SINHCAF: variants seen among roughly 807,000 people sequenced by gnomAD.
The protein encoded by SINHCAF is SIN3-HDAC complex associated factor.
In SINHCAF, 3 loss-of-function variants were observed where a neutral mutation model predicts 25.8. That is an observed-to-expected ratio of 0.12 (90% CI 0.05 to 0.30). SINHCAF has a LOEUF of 0.30. Ranked by LOEUF, SINHCAF falls within the 10% of genes least tolerant of loss-of-function variation. The probability of loss-of-function intolerance (pLI) is 1.00; values close to 1 mark genes in which losing one functional copy is unlikely to be tolerated. For missense variants in SINHCAF, 121 were observed against 262.3 expected, an observed-to-expected ratio of 0.46 and a Z score of 3.72; for synonymous variants, 70 against 85.5, an observed-to-expected ratio of 0.82 and a Z score of 1.00.
intron 1 of SINHCAF, chr12:31,303,553 G>C (rs555542549): frequency 6.6e-6 from 1 of 152,094 alleles, no homozygotes; most frequent in Non-Finnish European, 1.5e-5. Context: ...GCCTCAAGCA[G>C]TCTTCCCACC....
chr12:31,301,653 A>G (rs1016387767), intron 1 of SINHCAF, among the ~76,000 whole-genome samples: 5 of 152,196 alleles, frequency 3.3e-5, no homozygotes, highest in African/African-American at 1.2e-4. Context: ...CAACCAAGTT[A>G]AGCAGTGGTT....
In SINHCAF at chr12:31,325,232, C is replaced by G. The variant is rs1309589442; in HGVS notation, c.-21+792G>C. On this transcript the variant is annotated intron_variant, in intron 1 of 5. Transcript: ENST00000337682. This position sits in a 1 kb window ranked among gnomAD's most constrained non-coding sequence, Gnocchi z 5.9. Reference sequence around the variant, plus strand: ...ACGCTACAGGTGAACGCACCGGGAGCAAAACTTCGGGCTCCGAAAGCACCC... The same window carrying G: ...ACGCTACAGGTGAACGCACCGGGAGGAAAACTTCGGGCTCCGAAAGCACCC... 6.6e-6 allele frequency: 3 copies of G among 456,668 alleles called. No individual in the cohort carries two copies. Among genetic ancestry groups the G allele is most frequent in the African/African-American group, 4.0e-5 (2 of 50,090 alleles). 28.3% of individuals were successfully genotyped at this position (456,668 alleles called of 1,614,324 possible).
intron 1 of SINHCAF, among the ~76,000 whole-genome samples, chr12:31,299,343 G>A (rs1323416255): frequency 6.6e-6 from 1 of 151,196 alleles, no homozygotes; most frequent in African/African-American, 2.4e-5. Flanking sequence ...TGGAGACAGA[G>A]TCTCACTCTT....
rs528796751 is a variant in SINHCAF, at chr12:31,292,019, A to G, written c.355+1786T>C. On this transcript the variant is annotated intron_variant, in intron 4 of 5. Coordinates refer to ENST00000337682, the MANE Select transcript of SINHCAF (RefSeq NM_001135812.2). ...TCAAAGGAATTTATTTTCAGTCTCT[A>G]ACTACTACACAGCACAGTTTCATAA... Among the ~76,000 whole-genome samples the G allele has an allele frequency of 5.3e-5, 8 of 152,330 alleles. No individual in the cohort carries two copies. In the South Asian group the frequency reaches 1.0e-3, roughly 20 times the overall value.
intron 1 of SINHCAF, among the ~76,000 whole-genome samples, chr12:31,306,645 A>G (rs1939037255): frequency 6.6e-6 from 1 of 152,208 alleles, no homozygotes; most frequent in Non-Finnish European, 1.5e-5. Flanking sequence ...TAGCTACTGC[A>G]TCAGCAAAGT....
chr12:31,284,139 T>C (rs987106139), intron 5 of SINHCAF, among the ~76,000 whole-genome samples: 2 of 152,214 alleles, frequency 1.3e-5, no homozygotes, highest in African/African-American at 4.8e-5. Context: ...TTTATCTACA[T>C]GGTTATAACT....
At chr12:31,300,519 T>C (rs1938744390) in intron 1 of SINHCAF, among the ~76,000 whole-genome samples, 2 of 152,174 alleles carry the variant, frequency 1.3e-5, no homozygotes, top group Non-Finnish European at 2.9e-5. Context: ...AATGAGGAAG[T>C]ACCCTCTACA....
chr12:31,298,205 C>T lies in SINHCAF; in HGVS notation c.-1G>A, dbSNP rs770382859. On this transcript the variant is annotated 5_prime_UTR_variant, in exon 2 of 6. Coordinates refer to ENST00000337682, the MANE Select transcript of SINHCAF (RefSeq NM_001135812.2). ...TCTTTGGCTTGTGAAAACCAAACATCTTTTCTTCTGGGCAATAGTCTGTAA... is the reference window on the plus strand; with the variant it reads ...TCTTTGGCTTGTGAAAACCAAACATTTTTTCTTCTGGGCAATAGTCTGTAA... 6.2e-7 allele frequency: 1 copy of T among 1,614,068 alleles called. No individual in the cohort carries two copies. The highest frequency in any genetic ancestry group is 1.1e-5 in the South Asian group (1 of 91,078).
intron 1 of SINHCAF, among the ~76,000 whole-genome samples, chr12:31,306,694 C>G (rs112106045): frequency 1.3e-5 from 2 of 152,122 alleles, no homozygotes; most frequent in Admixed American, 1.3e-4. Flanking sequence ...TTCAGAGCAG[C>G]CTGGAACCTT....
intron 1 of SINHCAF, among the ~76,000 whole-genome samples, chr12:31,310,997 G>A (rs1367709993): frequency 1.3e-5 from 2 of 151,896 alleles, no homozygotes; most frequent in African/African-American, 4.8e-5. Flanking sequence ...AGCCTCCTGA[G>A]GAACTAAGAT....
intron 1 of SINHCAF, among the ~76,000 whole-genome samples, chr12:31,315,972 C>G (rs1939480157): frequency 6.6e-6 from 1 of 152,112 alleles, no homozygotes; most frequent in South Asian, 2.1e-4. Context: ...TTGAGACCAG[C>G]CTGACCAACA....
At chr12:31,312,068 A>C in intron 1 of SINHCAF, 1 of 519,036 alleles carries the variant, frequency 1.9e-6, no homozygotes, top group Non-Finnish European at 3.7e-6. Flanking sequence ...TACAGGTGTC[A>C]TCCCAGTCAC....
chr12:31,313,572 C>T (rs528495558), intron 1 of SINHCAF, among the ~76,000 whole-genome samples: 1 of 152,370 alleles, frequency 6.6e-6, no homozygotes, highest in South Asian at 2.1e-4. Context: ...TTTCCACAAA[C>T]ATCCTGCTGG....
rs1391772657 is a variant in SINHCAF at position 31,325,158 on chromosome 12, G to A, written c.-21+866C>T. The A allele has an allele frequency of 2.2e-6, 1 of 456,760 alleles. No homozygotes were observed. The highest frequency in any genetic ancestry group is 4.4e-6 in the Non-Finnish European group (1 of 226,978). 28.3% of individuals were successfully genotyped at this position (456,760 alleles called of 1,614,324 possible). On this transcript the variant is annotated intron_variant, in intron 1 of 5. Coordinates refer to ENST00000337682, the MANE Select transcript of SINHCAF (RefSeq NM_001135812.2). The surrounding 1 kb of genome is among the most constrained non-coding windows in gnomAD (Gnocchi z 5.9). ...TTGGCTTCCCTGGCCATCTTACAGC[G>A]CGGACGGCCGCCCATAAACGGGAAG...
Position 31,280,746 on chromosome 12 carries a change from A to G in SINHCAF, c.*1966T>C, listed in dbSNP as rs1937757293. The G allele has an allele frequency of 1.3e-5, 2 of 152,514 alleles. No individual in the cohort carries two copies. The highest frequency in any genetic ancestry group is 4.8e-5 in the African/African-American group (2 of 41,416). The allele number at this position is 152,514 out of a possible 1,614,324, so 9.4% of individuals were successfully genotyped here. Reference sequence around the variant, plus strand: ...ACATCCTACAGGCAAAGAGAGGTGGAAGGGGAAAAAGAAGACTGTGGTTGA... The same window carrying G: ...ACATCCTACAGGCAAAGAGAGGTGGGAGGGGAAAAAGAAGACTGTGGTTGA... On this transcript the variant is annotated 3_prime_UTR_variant, in exon 6 of 6. Transcript: ENST00000337682.
chr12:31,304,711 T>TG (rs1938952786), intron 1 of SINHCAF: 1 of 152,206 alleles, frequency 6.6e-6, no homozygotes, highest in Admixed American at 6.5e-5. Flanking sequence ...TAGCATGTAA[T>TG]GATCTTGAAT....
intron 3 of SINHCAF, among the ~76,000 whole-genome samples, chr12:31,294,987 G>A (rs1300688873): frequency 6.6e-6 from 1 of 152,150 alleles, no homozygotes; most frequent in African/African-American, 2.4e-5. Flanking sequence ...AAAAACAGGT[G>A]AATGCTTACT....
chr12:31,306,501 AC>A (rs145329491), intron 1 of SINHCAF, among the ~76,000 whole-genome samples: 7 of 151,142 alleles, frequency 4.6e-5, no homozygotes, highest in South Asian at 2.1e-4. Context: ...CGGGAAAAGT[AC>A]CCCCCCCTTT....
In SINHCAF at chr12:31,299,189, G is replaced by C. The variant is rs953963747; in HGVS notation, c.-20-965C>G. On this transcript the variant is annotated intron_variant, in intron 1 of 5. Coordinates refer to ENST00000337682, the MANE Select transcript of SINHCAF (RefSeq NM_001135812.2). ...CAGCTCACCAAAACAACCGGACTAA[G>C]AGAGGTGATGAAAAGGCAATGAATA... Among the ~76,000 whole-genome samples, 10 of 152,150 alleles carry C rather than the reference G, an allele frequency of 6.6e-5. 1 individual carries two copies. The highest frequency in any genetic ancestry group is 2.9e-5 in the Non-Finnish European group (2 of 68,034).
Sources: allele counts gnomAD v4.1 joint callset (sites outside exome capture counted in the v4.1 genomes callset), GRCh38; gene constraint gnomAD v4.1.1; non-coding constraint Gnocchi (gnomAD v3.1); transcripts MANE v1.5; gene names NCBI Gene and HGNC (gene_info 2026-07-23, HGNC 2026-07-21).